Variants in CREB1 observed in about 807,000 individuals in gnomAD.
CREB1 encodes cAMP responsive element binding protein 1, also known as cyclic AMP-responsive element-binding protein 1.
CREB1 carries 2 observed loss-of-function variants against 42.0 expected under a neutral mutation model. The observed-to-expected ratio is 0.05, with a 90% CI of 0.02 to 0.15. CREB1 has a LOEUF of 0.15. CREB1 is among the 10% of genes least tolerant of loss of function. The pLI, the probability that CREB1 is intolerant of heterozygous loss-of-function variation, is 1.00. For synonymous variants in CREB1, 123 were observed against 139.9 expected (o/e 0.88, Z 0.85); for missense variants, 199 against 388.9 (o/e 0.51, Z 4.11).
intron 1 of CREB1, among the ~76,000 whole-genome samples, chr2:207,537,148 G>T (rs1310872766): frequency 6.6e-6 from 1 of 152,024 alleles, no homozygotes; most frequent in Non-Finnish European, 1.5e-5. Context: ...TCCGCCTCCT[G>T]GGTTAAAGCG....
At chr2:207,560,164 G>C in intron 2 of CREB1, 62 bp from the exon 3 acceptor site, 1 of 1,420,302 alleles carries the variant, frequency 7.0e-7, no homozygotes, top group African/African-American at 1.4e-5. Flanking sequence ...ATTTCATATT[G>C]AACATGAGTA....
rs2086646593 is a variant in CREB1, at chr2:207,599,158, C to G, written c.*2100C>G. On this transcript the variant is annotated 3_prime_UTR_variant, in exon 8 of 8. Transcript: ENST00000353267. ...TTATGTTTGGACAGTTCACCAGATTCTCAAGAAGGCTTTCAAACAACTATA... is the reference window on the plus strand; with the variant it reads ...TTATGTTTGGACAGTTCACCAGATTGTCAAGAAGGCTTTCAAACAACTATA... 1.0e-5 allele frequency: 2 copies of G among 196,248 alleles called. No individual in the cohort carries two copies. The highest frequency in any genetic ancestry group is 3.8e-4 in the South Asian group (2 of 5,218). 12.2% of individuals were successfully genotyped at this position (196,248 alleles called of 1,614,324 possible).
At chr2:207,538,937 T>C (rs1459974751) in intron 1 of CREB1, among the ~76,000 whole-genome samples, 1 of 152,214 alleles carries the variant, frequency 6.6e-6, no homozygotes, top group African/African-American at 2.4e-5. Flanking sequence ...TTTTGAGGGC[T>C]GTTATCCCTG....
At chr2:207,552,815 C>T (rs1352618502) in intron 1 of CREB1, among the ~76,000 whole-genome samples, 3 of 151,862 alleles carry the variant, frequency 2.0e-5, no homozygotes, top group Non-Finnish European at 1.5e-5. Flanking sequence ...CGGGTTTCAC[C>T]GTGTTGGCCA....
At chr2:207,535,958 C>A (rs2080854468) in intron 1 of CREB1, among the ~76,000 whole-genome samples, 2 of 151,812 alleles carry the variant, frequency 1.3e-5, no homozygotes, top group Admixed American at 6.6e-5. Context: ...GTGAGTGGGA[C>A]AACAGGCGCG....
chr2:207,575,072 C>T (rs986360644), intron 5 of CREB1, among the ~76,000 whole-genome samples, 200 bp from the exon 6 acceptor site: 5 of 152,116 alleles, frequency 3.3e-5, no homozygotes, highest in African/African-American at 1.2e-4. Context: ...GAATGCAGTT[C>T]ATAGAGTGCA....
chr2:207,605,979 G>C lies in CREB1; in HGVS notation c.*8921G>C, dbSNP rs1015995924. ...TTTTTTTCTGGAATTAAAATTAGAAGTGGCACAGACTTTCATAAGGCTTTC... is the reference window on the plus strand; with the variant it reads ...TTTTTTTCTGGAATTAAAATTAGAACTGGCACAGACTTTCATAAGGCTTTC... On this transcript the variant is annotated 3_prime_UTR_variant, in exon 8 of 8. Coordinates refer to ENST00000353267, the MANE Select transcript of CREB1 (RefSeq NM_004379.5). 1.3e-5 allele frequency among the ~76,000 whole-genome samples: 2 copies of C among 152,164 alleles called. No homozygotes were observed. Among genetic ancestry groups the C allele is most frequent in the African/African-American group, 4.8e-5 (2 of 41,424 alleles).
chr2:207,559,502 A>G (rs1204694938), intron 2 of CREB1, among the ~76,000 whole-genome samples: 2 of 152,204 alleles, frequency 1.3e-5, no homozygotes, highest in African/African-American at 4.8e-5. Flanking sequence ...CAGTTCTAAC[A>G]TTATTCCTGG....
intron 7 of CREB1, chr2:207,582,918 A>AAT (rs1553505581): frequency 1.0e-4 from 27 of 258,352 alleles, no homozygotes; most frequent in African/African-American, 4.4e-4. Flanking sequence ...AACAAAAAAA[A>AAT]ATATATATAT....
chr2:207,555,553 A>C lies in CREB1; in HGVS notation c.-8-75A>C, dbSNP rs1372193769. ...ACCACCACATATATACCTATTTATAACTTGAAATTTGCCTTTAAAGTCACG... is the reference window on the plus strand; with the variant it reads ...ACCACCACATATATACCTATTTATACCTTGAAATTTGCCTTTAAAGTCACG... On this transcript the variant is annotated intron_variant, in intron 1 of 7. Coordinates refer to ENST00000353267, the MANE Select transcript of CREB1 (RefSeq NM_004379.5). 3.6e-6 allele frequency: 3 copies of C among 822,024 alleles called. No individual in the cohort carries two copies. The African/African-American group carries it at 5.1e-5, about 14-fold the overall frequency. The allele number at this position is 822,024 out of a possible 1,614,324, so 50.9% of individuals were successfully genotyped here. A position where few individuals can be genotyped will look rare whatever the true frequency, so the allele number is the denominator to read the frequency against.
intron 3 of CREB1, 113 bp downstream of exon 3, chr2:207,560,485 C>CCTATACTGTGAATAAA: frequency 9.7e-7 from 1 of 1,036,182 alleles, no homozygotes; most frequent in Non-Finnish European, 1.4e-6. Context: ...TTATTTTATT[C>CCTATACTGTGAATAAA]ACAGTATAGG....
At chr2:207,534,635 A>G (rs193200135) in intron 1 of CREB1, 2 of 152,364 alleles carry the variant, frequency 1.3e-5, no homozygotes, top group African/African-American at 4.8e-5. Flanking sequence ...AAGGCAAAAT[A>G]TGTGTCAAAA....
At chr2:207,593,966 G>T (rs2085602932) in intron 7 of CREB1, among the ~76,000 whole-genome samples, 1 of 152,074 alleles carries the variant, frequency 6.6e-6, no homozygotes, top group Non-Finnish European at 1.5e-5. Flanking sequence ...TGATCTGCCT[G>T]CCTCAGCCTC....
chr2:207,550,713 A>C (rs927687549), intron 1 of CREB1: 3 of 152,208 alleles, frequency 2.0e-5, no homozygotes, highest in African/African-American at 4.8e-5. Context: ...TGCTATAGGT[A>C]GTCAGGTAAG....
At position 207,603,781 on chromosome 2, in the gene CREB1, A is replaced by T. The variant is rs1249244714; in HGVS notation, c.*6723A>T. Among the ~76,000 whole-genome samples the T allele has an allele frequency of 6.6e-6, 1 of 152,184 alleles. No homozygotes were observed. Among genetic ancestry groups the T allele is most frequent in the African/African-American group, 2.4e-5 (1 of 41,446 alleles). On this transcript the variant is annotated 3_prime_UTR_variant, in exon 8 of 8. Transcript: ENST00000353267. ...CTTCTCAGGTCCCCTTGCAATTCTAAAACTCTGTGATCATATAAATTGGAA... is the reference window on the plus strand; with the variant it reads ...CTTCTCAGGTCCCCTTGCAATTCTATAACTCTGTGATCATATAAATTGGAA...
chr2:207,567,670 A>T, intron 4 of CREB1, 107 bp downstream of exon 4: 1 of 619,788 alleles, frequency 1.6e-6, no homozygotes, highest in Non-Finnish European at 2.8e-6. Flanking sequence ...TTCCTTATAG[A>T]TTACTTTTCT....
intron 7 of CREB1, among the ~76,000 whole-genome samples, chr2:207,592,039 A>G (rs2085140991): frequency 6.6e-6 from 1 of 152,224 alleles, no homozygotes; most frequent in South Asian, 2.1e-4. Context: ...TCTTCTGGCA[A>G]TGAATTCCCT....
intron 7 of CREB1, among the ~76,000 whole-genome samples, chr2:207,590,272 T>TC (rs772234167): frequency 4.0e-5 from 6 of 151,818 alleles, no homozygotes; most frequent in Non-Finnish European, 7.4e-5. Flanking sequence ...AGTAGGGATG[T>TC]CCCCCCGCTT....
At chr2:207,596,726 C>T (rs2086246758) in intron 7 of CREB1, among the ~76,000 whole-genome samples, 188 bp from the exon 8 acceptor site, 1 of 152,138 alleles carries the variant, frequency 6.6e-6, no homozygotes, top group Non-Finnish European at 1.5e-5. Flanking sequence ...AGCCGCCACG[C>T]CTGGCCAGAT....
Sources: gnomAD v4.1 joint callset for allele counts (sites outside exome capture counted in the v4.1 genomes callset) on GRCh38, gnomAD v4.1.1 for gene constraint, MANE v1.5 for transcripts, NCBI Gene and HGNC (gene_info 2026-07-23, HGNC 2026-07-21) for gene names.